The following PAPPA variants were observed in gnomAD, a reference collection of about 807,000 sequenced individuals.
The protein encoded by PAPPA is pappalysin-1.
In PAPPA, 60 loss-of-function variants were observed where a neutral mutation model predicts 164.0. The ratio of observed to expected loss-of-function variants is 0.37; its 90% CI spans 0.30 to 0.45. The LOEUF (loss-of-function observed/expected upper bound fraction) is 0.45. Ranked by LOEUF, PAPPA falls within the 20% of genes least tolerant of loss-of-function variation. PAPPA has a pLI of 1.00. For synonymous variants in PAPPA, 875 were observed against 814.1 expected (o/e 1.07, Z -1.27); for missense variants, 1,782 against 2,087.3 (o/e 0.85, Z 2.85).
intron 17 of PAPPA, among the ~76,000 whole-genome samples, chr9:116,359,434 TAA>T (rs1846395504): frequency 6.6e-6 from 1 of 152,200 alleles, no homozygotes; most frequent in Non-Finnish European, 1.5e-5. Flanking sequence ...AGCCCTCTTA[TAA>T]GAGATTTCAC....
Position 116,347,019 on chromosome 9 carries a change from C to T in PAPPA, c.3781-7C>T. 6.2e-7 allele frequency: 1 copy of T among 1,608,120 alleles called. No individual in the cohort carries two copies. The highest frequency in any genetic ancestry group is 1.1e-5 in the South Asian group (1 of 90,012). On this transcript the variant is annotated splice_region_variant and splice_polypyrimidine_tract_variant and intron_variant, in intron 14 of 21. Transcript: ENST00000328252. This position sits in a 1 kb window ranked among gnomAD's most constrained non-coding sequence, Gnocchi z 4.5. ...CACTCCTCACTATGCACGACTCTGC[C>T]TTTCAGACGGGACCCAGCGTCACAG...
At chr9:116,254,846 T>C (rs1462852033) in intron 7 of PAPPA, among the ~76,000 whole-genome samples, 1 of 151,414 alleles carries the variant, frequency 6.6e-6, no homozygotes, top group Admixed American at 6.6e-5. Flanking sequence ...AAAACGTTCC[T>C]GGTAGCTGTC....
intron 2 of PAPPA, among the ~76,000 whole-genome samples, chr9:116,192,752 G>A (rs386681): frequency 2.0e-5 from 3 of 152,190 alleles, no homozygotes; most frequent in African/African-American, 7.2e-5. Context: ...TAGCCAGGGA[G>A]GCAGGACTTC....
chr9:116,381,070 TCA>T (rs1846724324), intron 20 of PAPPA, among the ~76,000 whole-genome samples: 1 of 152,216 alleles, frequency 6.6e-6, no homozygotes, highest in Admixed American at 6.5e-5. Context: ...TATTGAAATG[TCA>T]CACAATATGG....
chr9:116,371,145 G>A (rs1407513484), intron 19 of PAPPA, among the ~76,000 whole-genome samples: 5 of 150,886 alleles, frequency 3.3e-5, no homozygotes, highest in South Asian at 4.2e-4. Flanking sequence ...AGCCGGGCGC[G>A]GTGGCTCACG....
chr9:116,171,700 G>A (rs1031831317), intron 1 of PAPPA, among the ~76,000 whole-genome samples: 48 of 152,244 alleles, frequency 3.2e-4, no homozygotes, highest in Non-Finnish European at 6.9e-4. Flanking sequence ...CCTTCCGTCT[G>A]TCCTCATGTC....
At chr9:116,302,735 T>C (rs1244938138) in intron 9 of PAPPA, 22 bp from the exon 10 acceptor site, 2 of 1,594,278 alleles carry the variant, frequency 1.3e-6, no homozygotes, top group Middle Eastern at 1.7e-4. Context: ...ATTCTCTCCC[T>C]TTCTATGTCA....
rs1191098992 is a variant in PAPPA at position 116,347,048 on chromosome 9, C to T, written c.3803C>T (p.Thr1268Ile). 1.2e-6 allele frequency: 2 copies of T among 1,613,744 alleles called. No individual in the cohort carries two copies. Among genetic ancestry groups the T allele is most frequent in the East Asian group, 2.2e-5 (1 of 44,864 alleles). ...CAGACGGGACCCAGCGTCACAGTGA[C>T]CTGTACAGAGGGCAAGTGGAATAAG... ...KSQTGPSVTV[T>I]CTEGKWNKQV... Residue 1268 changes from threonine (T) to isoleucine (I), a missense_variant, in exon 15 of 22, where the codon ACC becomes ATC. Transcript: ENST00000328252. The surrounding 1 kb of genome is among the most constrained non-coding windows in gnomAD (Gnocchi z 4.5).
chr9:116,274,695 A>T (rs762288914), intron 9 of PAPPA, among the ~76,000 whole-genome samples: 1 of 152,236 alleles, frequency 6.6e-6, no homozygotes, highest in Non-Finnish European at 1.5e-5. Context: ...ACTTTCTATC[A>T]GAATTTCCTT....
At chr9:116,169,774 A>G (rs1843756196) in intron 1 of PAPPA, among the ~76,000 whole-genome samples, 1 of 151,214 alleles carries the variant, frequency 6.6e-6, no homozygotes, top group African/African-American at 2.4e-5. Context: ...AAGTTATCAG[A>G]GAGCTTCAAA....
intron 7 of PAPPA, among the ~76,000 whole-genome samples, chr9:116,246,969 A>G (rs1844804088): frequency 6.6e-6 from 1 of 152,068 alleles, no homozygotes; most frequent in Non-Finnish European, 1.5e-5. Context: ...TGCAGTGGTG[A>G]GCCATGATTG....
rs570431746 is a variant in PAPPA at position 116,267,896 on chromosome 9, A to G, written c.2861+1911A>G. Among the ~76,000 whole-genome samples, 541 of 151,206 alleles carry G rather than the reference A, an allele frequency of 3.6e-3. 2 individuals carry two copies. The highest frequency in any genetic ancestry group is 6.1e-3 in the Non-Finnish European group (412 of 67,748). ...GACTCCGTCTCAAAAAAAAAAAAAA[A>G]AAAAAAAAAAAAAGAAATGGCATTA... On this transcript the variant is annotated intron_variant, in intron 8 of 21. Coordinates refer to ENST00000328252, the MANE Select transcript of PAPPA (RefSeq NM_002581.5).
intron 15 of PAPPA, 73 bp from the exon 16 acceptor site, chr9:116,352,633 C>A: frequency 2.5e-6 from 3 of 1,210,698 alleles, no homozygotes; most frequent in South Asian, 1.2e-5. Flanking sequence ...CAGCTAAAAT[C>A]CAAGTAGCTA....
Position 116,220,144 on chromosome 9 carries a change from T to G in PAPPA, c.2111+15T>G. Reference sequence around the variant, plus strand: ...TTCTTTGAAAGGTGAGTGTGCCCTGTGTAGTGTTGATCCCTCTCTCTCTCT... The same window carrying G: ...TTCTTTGAAAGGTGAGTGTGCCCTGGGTAGTGTTGATCCCTCTCTCTCTCT... On this transcript the variant is annotated intron_variant, in intron 5 of 21. Transcript: ENST00000328252. 1 of 1,592,924 alleles carries G rather than the reference T, an allele frequency of 6.3e-7. No homozygotes were observed. Among genetic ancestry groups the G allele is most frequent in the Non-Finnish European group, 8.6e-7 (1 of 1,164,546 alleles).
intron 13 of PAPPA, among the ~76,000 whole-genome samples, chr9:116,340,128 A>G (rs1185372441): frequency 6.6e-6 from 1 of 151,946 alleles, no homozygotes; most frequent in Admixed American, 6.6e-5. Context: ...AAGTGTCTTC[A>G]TTTTTTTCCT....
At chr9:116,380,801 A>G (rs1237264754) in intron 20 of PAPPA, among the ~76,000 whole-genome samples, 1 of 152,222 alleles carries the variant, frequency 6.6e-6, no homozygotes, top group Non-Finnish European at 1.5e-5. Flanking sequence ...GAAATCTGGC[A>G]TCATGAGTTC....
At chr9:116,312,288 C>CTTTCTTTTTTTTT (rs1845728233) in intron 10 of PAPPA, among the ~76,000 whole-genome samples, 1 of 129,634 alleles carries the variant, frequency 7.7e-6, no homozygotes, top group Non-Finnish European at 1.6e-5. Context: ...TTCTTTCTTT[C>CTTTCTTTTTTTTT]TTTTTTTTTT....
intron 2 of PAPPA, among the ~76,000 whole-genome samples, chr9:116,195,839 G>C (rs977586315): frequency 6.6e-6 from 1 of 152,064 alleles, no homozygotes; most frequent in African/African-American, 2.4e-5. Context: ...CAACCACTCT[G>C]TACTACCAAA....
chr9:116,363,648 C>T (rs969632981), intron 18 of PAPPA, among the ~76,000 whole-genome samples: 4 of 152,180 alleles, frequency 2.6e-5, no homozygotes, highest in Non-Finnish European at 4.4e-5. Context: ...GGGAACTGAA[C>T]ATCCTTTCTC....
Sources: allele counts gnomAD v4.1 joint callset (sites outside exome capture counted in the v4.1 genomes callset), GRCh38; gene constraint gnomAD v4.1.1; non-coding constraint Gnocchi (gnomAD v3.1); transcripts MANE v1.5; gene names NCBI Gene and HGNC (gene_info 2026-07-23, HGNC 2026-07-21).